OR5AN1: variants seen among roughly 807,000 people sequenced by gnomAD.
OR5AN1 encodes olfactory receptor 5AN1.
For synonymous variants in OR5AN1, 167 were observed against 131.8 expected (o/e 1.27, Z -1.83); for missense variants, 476 against 368.9 (o/e 1.29, Z -2.38).
At chr11:59,362,885 A>T (rs1857479215) in intron 1 of OR5AN1, among the ~76,000 whole-genome samples, 1 of 152,216 alleles carries the variant, frequency 6.6e-6, no homozygotes, top group South Asian at 2.1e-4. Context: ...TCCTAGTTCA[A>T]GATCCATCAT....
rs1397434804 is a variant in OR5AN1 at position 59,368,506 on chromosome 11, A to T, written c.*3112A>T. The T allele has an allele frequency of 6.6e-6, 1 of 152,154 alleles. No homozygotes were observed. 9.4% of individuals were successfully genotyped at this position (152,154 alleles called of 1,614,324 possible). On this transcript the variant is annotated 3_prime_UTR_variant, in exon 2 of 2. Transcript: ENST00000641998. Reference sequence around the variant, plus strand: ...CAAAGACACTAAGTGCTTTATCCACACCTCTAATAATCTGTAGTCAACCCA... The same window carrying T: ...CAAAGACACTAAGTGCTTTATCCACTCCTCTAATAATCTGTAGTCAACCCA...
Position 59,367,804 on chromosome 11 carries a change from G to A in OR5AN1, c.*2410G>A, listed in dbSNP as rs906835699. Reference sequence around the variant, plus strand: ...TTCACTGGGCAGGACCTCCCAACTGGGGCCTGCAGCCACCCCCACCAAGCT... The same window carrying A: ...TTCACTGGGCAGGACCTCCCAACTGAGGCCTGCAGCCACCCCCACCAAGCT... On this transcript the variant is annotated 3_prime_UTR_variant, in exon 2 of 2. Coordinates refer to ENST00000641998, the MANE Select transcript of OR5AN1 (RefSeq NM_001004729.2). 2.0e-5 allele frequency: 3 copies of A among 152,354 alleles called. No individual in the cohort carries two copies. The highest frequency in any genetic ancestry group is 4.4e-5 in the Non-Finnish European group (3 of 68,232). 9.4% of individuals were successfully genotyped at this position (152,354 alleles called of 1,614,324 possible). A position where few individuals can be genotyped will look rare whatever the true frequency, so the allele number is the denominator to read the frequency against.
Position 59,359,022 on chromosome 11 carries a change from T to C in OR5AN1, c.-264T>C, listed in dbSNP as rs1396720666. The C allele has an allele frequency of 6.6e-6, 1 of 152,186 alleles. No homozygotes were observed. The highest frequency in any genetic ancestry group is 1.5e-5 in the Non-Finnish European group (1 of 68,030). The allele number at this position is 152,186 out of a possible 1,614,324, so 9.4% of individuals were successfully genotyped here. A position where few individuals can be genotyped will look rare whatever the true frequency, so the allele number is the denominator to read the frequency against. ...ATTTCAACCTTTGGCAAGAACCCTG[T>C]CTTCTTGGAGGACCTGGGTAAAGGT... On this transcript the variant is annotated 5_prime_UTR_variant, in exon 1 of 2. Transcript: ENST00000641998.
In OR5AN1 at chr11:59,367,642, T is replaced by C. The variant is rs1857549171; in HGVS notation, c.*2248T>C. 1 of 152,364 alleles carries C rather than the reference T, an allele frequency of 6.6e-6. No homozygotes were observed. The allele number at this position is 152,364 out of a possible 1,614,324, so 9.4% of individuals were successfully genotyped here. On this transcript the variant is annotated 3_prime_UTR_variant, in exon 2 of 2. Coordinates refer to ENST00000641998, the MANE Select transcript of OR5AN1 (RefSeq NM_001004729.2). Reference sequence around the variant, plus strand: ...TGTCATCTTTGCTGTTCAGATGCCTTAGCTGTTCCGGCCTTTGGGCTTTGA... The same window carrying C: ...TGTCATCTTTGCTGTTCAGATGCCTCAGCTGTTCCGGCCTTTGGGCTTTGA...
chr11:59,363,333 A>G (rs1273360204), intron 1 of OR5AN1, among the ~76,000 whole-genome samples: 1 of 152,208 alleles, frequency 6.6e-6, no homozygotes, highest in Non-Finnish European at 1.5e-5. Context: ...TCACTGGTAC[A>G]AGTTAATAGA....
rs1303144265 is a variant in OR5AN1 at position 59,367,979 on chromosome 11, C to T, written c.*2585C>T. 6.6e-6 allele frequency: 1 copy of T among 152,332 alleles called. No homozygotes were observed. The highest frequency in any genetic ancestry group is 2.4e-5 in the African/African-American group (1 of 41,478). 9.4% of individuals were successfully genotyped at this position (152,332 alleles called of 1,614,324 possible). A position where few individuals can be genotyped will look rare whatever the true frequency, so the allele number is the denominator to read the frequency against. ...ACTGAGGACTGAAGTAGACCCCCAA[C>T]ACAGCACAGCTGTTCTACCAAAACG... is the stretch of plus-strand genomic sequence containing the variant. On this transcript the variant is annotated 3_prime_UTR_variant, in exon 2 of 2. Coordinates refer to ENST00000641998, the MANE Select transcript of OR5AN1 (RefSeq NM_001004729.2).
chr11:59,370,817 A>G lies in OR5AN1; in HGVS notation c.*5423A>G, dbSNP rs1216809707. ...ATGAACGTGTTAGTCAGAGTTCTCC[A>G]GAGAGACAAAACCAATAGGATACAT... On this transcript the variant is annotated 3_prime_UTR_variant, in exon 2 of 2. Transcript: ENST00000641998. 6.6e-6 allele frequency: 1 copy of G among 152,252 alleles called. No individual in the cohort carries two copies. Among genetic ancestry groups the G allele is most frequent in the East Asian group, 1.9e-4 (1 of 5,198 alleles). The allele number at this position is 152,252 out of a possible 1,614,324, so 9.4% of individuals were successfully genotyped here.
At position 59,368,397 on chromosome 11, in the gene OR5AN1, A is replaced by G. The variant is rs767590936; in HGVS notation, c.*3003A>G. 6.6e-6 allele frequency: 1 copy of G among 152,334 alleles called. No individual in the cohort carries two copies. The highest frequency in any genetic ancestry group is 2.4e-5 in the African/African-American group (1 of 41,456). 9.4% of individuals were successfully genotyped at this position (152,334 alleles called of 1,614,324 possible). A position where few individuals can be genotyped will look rare whatever the true frequency, so the allele number is the denominator to read the frequency against. ...GTATCAAATCACCAACTCCCTAGAC[A>G]GAGCTTCCGAGGTCAACAGAAAGTT... On this transcript the variant is annotated 3_prime_UTR_variant, in exon 2 of 2. Transcript: ENST00000641998.
intron 1 of OR5AN1, among the ~76,000 whole-genome samples, chr11:59,364,149 T>C (rs1303801295): frequency 6.6e-6 from 1 of 152,216 alleles, no homozygotes; most frequent in Non-Finnish European, 1.5e-5. Flanking sequence ...ATTAGTGATC[T>C]TTACCTTATA....
Position 59,364,974 on chromosome 11 carries a change from T to TA in OR5AN1, c.518dup (p.Asn173LysfsTer9). ...TGCTTCAACTCCACTTCTGTGGGTC[T>TA]AATGTCATCAGACATTTCTTCTGTG... On this transcript the variant is annotated frameshift_variant, in exon 2 of 2. Transcript: ENST00000641998. LOFTEE classifies it low-confidence loss of function (END_TRUNC). The TA allele has an allele frequency of 6.2e-7, 1 of 1,614,170 alleles. No homozygotes were observed. Among genetic ancestry groups the TA allele is most frequent in the Non-Finnish European group, 8.5e-7 (1 of 1,179,994 alleles).
chr11:59,370,815 C>T lies in OR5AN1; in HGVS notation c.*5421C>T, dbSNP rs1857586107. ...GAATGAACGTGTTAGTCAGAGTTCTCCAGAGAGACAAAACCAATAGGATAC... is the reference window on the plus strand; with the variant it reads ...GAATGAACGTGTTAGTCAGAGTTCTTCAGAGAGACAAAACCAATAGGATAC... On this transcript the variant is annotated 3_prime_UTR_variant, in exon 2 of 2. Coordinates refer to ENST00000641998, the MANE Select transcript of OR5AN1 (RefSeq NM_001004729.2). 6.6e-6 allele frequency: 1 copy of T among 152,136 alleles called. No individual in the cohort carries two copies. The highest frequency in any genetic ancestry group is 2.1e-4 in the South Asian group (1 of 4,832). The allele number at this position is 152,136 out of a possible 1,614,324, so 9.4% of individuals were successfully genotyped here.
rs1857567349 is a variant in OR5AN1 at position 59,369,331 on chromosome 11, T to C, written c.*3937T>C. The C allele has an allele frequency of 6.6e-6, 1 of 151,846 alleles. No homozygotes were observed. Among genetic ancestry groups the C allele is most frequent in the South Asian group, 2.1e-4 (1 of 4,820 alleles). 9.4% of individuals were successfully genotyped at this position (151,846 alleles called of 1,614,324 possible). On this transcript the variant is annotated 3_prime_UTR_variant, in exon 2 of 2. Transcript: ENST00000641998. ...GATAGAAAAAAAAAGATCATGGAAA[T>C]TCAGGAGGATGGCAAAATCCAATCC...
chr11:59,365,144 T>A lies in OR5AN1; in HGVS notation c.686T>A (p.Ile229Asn), dbSNP rs777581035. 6.2e-7 allele frequency: 1 copy of A among 1,614,096 alleles called. No individual in the cohort carries two copies. Among genetic ancestry groups the A allele is most frequent in the Non-Finnish European group, 8.5e-7 (1 of 1,179,980 alleles). ...TATATTGGCATCTCCATCATGAAGA[T>A]CACTTCAGCTAAAGGCAGGTCCAAG... ...YGYIGISIMK[I>N]TSAKGRSKAF... Residue 229 changes from isoleucine (I) to asparagine (N), a missense_variant, in exon 2 of 2, where the codon ATC becomes AAC. Ile to Asn is a moderately radical substitution (Grantham distance 149, BLOSUM62 -3). Coordinates refer to ENST00000641998, the MANE Select transcript of OR5AN1 (RefSeq NM_001004729.2).
In OR5AN1 at chr11:59,365,039, T is replaced by C; in HGVS notation, c.581T>C (p.Phe194Ser). The C allele has an allele frequency of 1.2e-6, 2 of 1,614,134 alleles. No homozygotes were observed. The highest frequency in any genetic ancestry group is 1.7e-6 in the Non-Finnish European group (2 of 1,179,982). ...TTAATCTTGTCCTGTACTGACACTTTCTTTGTACAGGTCATGACTGCTATA... is the reference window on the plus strand; with the variant it reads ...TTAATCTTGTCCTGTACTGACACTTCCTTTGTACAGGTCATGACTGCTATA... Reference protein sequence around the residue: ...QLLILSCTDTFFVQVMTAILT... With the variant: ...QLLILSCTDTSFVQVMTAILT... The change falls in exon 2 of 2, where the codon TTC (phenylalanine) becomes TCC (serine). Residue 194 changes from phenylalanine (F) to serine (S), a missense_variant. Coordinates refer to ENST00000641998, the MANE Select transcript of OR5AN1 (RefSeq NM_001004729.2).
In OR5AN1 at chr11:59,365,275, A is replaced by T; in HGVS notation, c.817A>T (p.Arg273Ter). The T allele has an allele frequency of 6.2e-7, 1 of 1,613,696 alleles. No individual in the cohort carries two copies. The highest frequency in any genetic ancestry group is 8.5e-7 in the Non-Finnish European group (1 of 1,179,682). ...SSSGGSSSFD[R>*]FASVFYTVVI... ...CTCTGGAGGTTCTTCAAGCTTTGAC[A>T]GATTTGCATCTGTTTTCTACACTGT... is the stretch of plus-strand genomic sequence containing the variant. The change falls in exon 2 of 2, where the codon AGA becomes TGA. Residue 273 changes from arginine to a stop codon, truncating the protein, a stop_gained. Coordinates refer to ENST00000641998, the MANE Select transcript of OR5AN1 (RefSeq NM_001004729.2). LOFTEE classifies it low-confidence loss of function (END_TRUNC).
Position 59,370,954 on chromosome 11 carries a change from C to A in OR5AN1, c.*5560C>A, listed in dbSNP as rs867422525. On this transcript the variant is annotated 3_prime_UTR_variant, in exon 2 of 2. Coordinates refer to ENST00000641998, the MANE Select transcript of OR5AN1 (RefSeq NM_001004729.2). Reference sequence around the variant, plus strand: ...ATTCACAAGAAGGACCATGAGATAACCTCTGTGATAGCTCTAGGCTGTTAT... The same window carrying A: ...ATTCACAAGAAGGACCATGAGATAAACTCTGTGATAGCTCTAGGCTGTTAT... 3.7e-4 allele frequency: 57 copies of A among 152,300 alleles called. No individual in the cohort carries two copies. Among genetic ancestry groups the A allele is most frequent in the African/African-American group, 1.2e-3 (48 of 41,564 alleles). The allele number at this position is 152,300 out of a possible 1,614,324, so 9.4% of individuals were successfully genotyped here.
In OR5AN1 at chr11:59,367,018, T is replaced by C. The variant is rs1330891113; in HGVS notation, c.*1624T>C. The C allele has an allele frequency of 4.6e-5, 7 of 152,134 alleles. No homozygotes were observed. The highest frequency in any genetic ancestry group is 1.0e-4 in the Non-Finnish European group (7 of 68,022). The allele number at this position is 152,134 out of a possible 1,614,324, so 9.4% of individuals were successfully genotyped here. A position where few individuals can be genotyped will look rare whatever the true frequency, so the allele number is the denominator to read the frequency against. ...ATATACAAGGTACATATGAATAAAATAAAGCAATATTTATGAGATGTAGCC... is the reference window on the plus strand; with the variant it reads ...ATATACAAGGTACATATGAATAAAACAAAGCAATATTTATGAGATGTAGCC... On this transcript the variant is annotated 3_prime_UTR_variant, in exon 2 of 2. Transcript: ENST00000641998.
chr11:59,365,992 A>T lies in OR5AN1; in HGVS notation c.*598A>T, dbSNP rs1441192888. The T allele has an allele frequency of 1.3e-5, 2 of 152,208 alleles. No homozygotes were observed. The highest frequency in any genetic ancestry group is 4.8e-5 in the African/African-American group (2 of 41,448). 9.4% of individuals were successfully genotyped at this position (152,208 alleles called of 1,614,324 possible). On this transcript the variant is annotated 3_prime_UTR_variant, in exon 2 of 2. Coordinates refer to ENST00000641998, the MANE Select transcript of OR5AN1 (RefSeq NM_001004729.2). Reference sequence around the variant, plus strand: ...CTGCAGTTTGCCTAAGACCTCTCTCAGCTAATCATCTAATACATTTTTGGC... The same window carrying T: ...CTGCAGTTTGCCTAAGACCTCTCTCTGCTAATCATCTAATACATTTTTGGC...
In OR5AN1 at chr11:59,359,019, C is replaced by T. The variant is rs1428448163; in HGVS notation, c.-267C>T. 6.6e-6 allele frequency: 1 copy of T among 152,212 alleles called. No homozygotes were observed. The highest frequency in any genetic ancestry group is 1.5e-5 in the Non-Finnish European group (1 of 68,050). The allele number at this position is 152,212 out of a possible 1,614,324, so 9.4% of individuals were successfully genotyped here. Reference sequence around the variant, plus strand: ...GCAATTTCAACCTTTGGCAAGAACCCTGTCTTCTTGGAGGACCTGGGTAAA... The same window carrying T: ...GCAATTTCAACCTTTGGCAAGAACCTTGTCTTCTTGGAGGACCTGGGTAAA... On this transcript the variant is annotated 5_prime_UTR_variant, in exon 1 of 2. Transcript: ENST00000641998.
Sources: gnomAD v4.1 joint callset for allele counts (sites outside exome capture counted in the v4.1 genomes callset) on GRCh38, gnomAD v4.1.1 for gene constraint, MANE v1.5 for transcripts, NCBI Gene and HGNC (gene_info 2026-07-23, HGNC 2026-07-21) for gene names.